The following RXRA variants were observed in gnomAD, a reference collection of about 807,000 sequenced individuals.
The protein encoded by RXRA is retinoid X receptor alpha.
A neutral mutation model predicts 44.5 loss-of-function variants in RXRA; 5 were observed. The ratio of observed to expected loss-of-function variants is 0.11; its 90% confidence interval spans 0.06 to 0.24. RXRA has a LOEUF of 0.24. Ranked by LOEUF, RXRA falls within the 10% of genes least tolerant of loss-of-function variation. The pLI, the probability that RXRA is intolerant of heterozygous loss-of-function variation, is 1.00. For missense variants in RXRA, 412 were observed against 646.5 expected (o/e 0.64, Z 3.93); for synonymous variants, 291 against 271.4 (o/e 1.07, Z -0.71).
intron 7 of RXRA, 25 bp downstream of exon 7, chr9:134,429,265 A>G (rs1257271004): frequency 6.2e-7 from 1 of 1,604,064 alleles, no homozygotes; most frequent in Non-Finnish European, 8.5e-7. Flanking sequence ...GGGAGGGGCG[A>G]GGGCGCTTCG....
intron 1 of RXRA, among the ~76,000 whole-genome samples, chr9:134,347,959 G>A (rs1047968694): frequency 6.6e-6 from 1 of 152,144 alleles, no homozygotes; most frequent in African/African-American, 2.4e-5. Context: ...GGCAGGAGGG[G>A]AGTCCGTGGC....
chr9:134,426,727 A>G lies in RXRA; in HGVS notation c.911-2381A>G, dbSNP rs1037818101. 1 of 985,260 alleles carries G rather than the reference A, an allele frequency of 1.0e-6. No individual in the cohort carries two copies. The highest frequency in any genetic ancestry group is 1.7e-5 in the African/African-American group (1 of 57,238). The allele number at this position is 985,260 out of a possible 1,614,324, so 61.0% of individuals were successfully genotyped here. On this transcript the variant is annotated intron_variant, in intron 6 of 9. Transcript: ENST00000481739. The surrounding 1 kb of genome is among the most constrained non-coding windows in gnomAD (Gnocchi z 4.6). ...GTGGGAGGGGAGGTGGCCACTGCTC[A>G]GGTAAACCCCCAGGCCTGCAGGATG... is the stretch of plus-strand genomic sequence containing the variant.
intron 2 of RXRA, chr9:134,404,506 G>C (rs1433991435): frequency 6.6e-6 from 1 of 152,318 alleles, no homozygotes; most frequent in African/African-American, 2.4e-5. Flanking sequence ...GTTGGTGCCA[G>C]CTTCCACACA....
At chr9:134,421,515 C>T (rs539631949) in intron 5 of RXRA, among the ~76,000 whole-genome samples, 161 bp from the exon 6 acceptor site, 6 of 152,330 alleles carry the variant, frequency 3.9e-5, no homozygotes, top group South Asian at 4.1e-4. Context: ...CATGCAAGGT[C>T]GCATAGTCCC....
chr9:134,408,792 C>T (rs1003967505), intron 3 of RXRA, 148 bp from the exon 4 acceptor site: 3 of 718,620 alleles, frequency 4.2e-6, no homozygotes, highest in East Asian at 3.0e-5. Context: ...AGGCTGGGGC[C>T]CAGTCTGAGC....
Position 134,436,902 on chromosome 9 carries a change from C to T in RXRA, c.*288C>T. 1 of 422,552 alleles carries T rather than the reference C, an allele frequency of 2.4e-6. No individual in the cohort carries two copies. Among genetic ancestry groups the T allele is most frequent in the South Asian group, 2.9e-5 (1 of 34,014 alleles). The allele number at this position is 422,552 out of a possible 1,614,324, so 26.2% of individuals were successfully genotyped here. A position where few individuals can be genotyped will look rare whatever the true frequency, so the allele number is the denominator to read the frequency against. ...CCACCGGGCTCTCAGGACACCCTGC[C>T]ACACCCCACGGGGCTTGGGCGACTA... On this transcript the variant is annotated 3_prime_UTR_variant, in exon 10 of 10. Coordinates refer to ENST00000481739, the MANE Select transcript of RXRA (RefSeq NM_002957.6).
intron 1 of RXRA, among the ~76,000 whole-genome samples, chr9:134,375,484 G>GT (rs1830544587): frequency 6.6e-6 from 1 of 152,228 alleles, no homozygotes; most frequent in Admixed American, 6.5e-5. Context: ...GTGGGCAGGG[G>GT]ATTCCAGGCA....
intron 1 of RXRA, among the ~76,000 whole-genome samples, chr9:134,375,542 G>T (rs1830545301): frequency 6.6e-6 from 1 of 152,230 alleles, no homozygotes; most frequent in African/African-American, 2.4e-5. Context: ...TCAGCCCGGA[G>T]ACTGTGTGTG....
rs912845714 is a variant in RXRA at position 134,407,590 on chromosome 9, C to T, written c.280-559C>T. Among the ~76,000 whole-genome samples, 7 of 151,994 alleles carry T rather than the reference C, an allele frequency of 4.6e-5. No individual in the cohort carries two copies. Among genetic ancestry groups the T allele is most frequent in the Non-Finnish European group, 7.4e-5 (5 of 67,976 alleles). On this transcript the variant is annotated intron_variant, in intron 2 of 9. Transcript: ENST00000481739. The surrounding 1 kb of genome is among the most constrained non-coding windows in gnomAD (Gnocchi z 4.8). Reference sequence around the variant, plus strand: ...CAGTGGTGTCGTGCCACCCGATGCCCGGGGGTGTCCACTCCCCTCTCCTGG... The same window carrying T: ...CAGTGGTGTCGTGCCACCCGATGCCTGGGGGTGTCCACTCCCCTCTCCTGG...
At chr9:134,355,959 G>A (rs1326400691) in intron 1 of RXRA, among the ~76,000 whole-genome samples, 1 of 152,190 alleles carries the variant, frequency 6.6e-6, no homozygotes, top group Non-Finnish European at 1.5e-5. Flanking sequence ...CAGCTGAGGG[G>A]GTGGGGGGCA....
chr9:134,420,438 G>A (rs1353152978), intron 5 of RXRA, among the ~76,000 whole-genome samples: 1 of 152,124 alleles, frequency 6.6e-6, no homozygotes, highest in Non-Finnish European at 1.5e-5. Flanking sequence ...ACTCAGCCGA[G>A]GGATCCCACC....
chr9:134,427,307 C>A (rs1233931733), intron 6 of RXRA: 1 of 306,600 alleles, frequency 3.3e-6, no homozygotes, highest in Non-Finnish European at 4.8e-6. Flanking sequence ...TAAACCCCCG[C>A]CCCGGGGGAC....
intron 6 of RXRA, chr9:134,423,963 G>T (rs1245325351): frequency 1.0e-6 from 1 of 985,320 alleles, no homozygotes; most frequent in Non-Finnish European, 1.2e-6. Flanking sequence ...GTGCGCTGGG[G>T]GCCTGGCGGA....
At chr9:134,368,028 C>T (rs1294440078) in intron 1 of RXRA, among the ~76,000 whole-genome samples, 2 of 152,272 alleles carry the variant, frequency 1.3e-5, no homozygotes, top group Admixed American at 6.5e-5. Flanking sequence ...CCACAGCTCG[C>T]GCATGCTCTC....
chr9:134,387,431 GGTCTGGCCAGGGTGCAA>G (rs1830736393), intron 1 of RXRA, among the ~76,000 whole-genome samples: 1 of 152,252 alleles, frequency 6.6e-6, no homozygotes, highest in Non-Finnish European at 1.5e-5. Context: ...AAACCAGATC[GGTCTGGCCAGGGTGCAA>G]GCCTGGACCA....
chr9:134,408,459 G>A lies in RXRA; in HGVS notation c.430+160G>A, dbSNP rs1257507989. On this transcript the variant is annotated intron_variant, in intron 3 of 9. Coordinates refer to ENST00000481739, the MANE Select transcript of RXRA (RefSeq NM_002957.6). The stretch of plus-strand genomic sequence containing the variant: ...GGCCATGCCCCACTCCCAGGGCTCC[G>A]CGAGGCCATTCCAGGGTTCTCACGT... Among the ~76,000 whole-genome samples the A allele has an allele frequency of 5.3e-5, 8 of 152,294 alleles. No individual in the cohort carries two copies. The South Asian group carries it at 1.4e-3, about 28-fold the overall frequency.
At chr9:134,355,408 C>T (rs1239340678) in intron 1 of RXRA, among the ~76,000 whole-genome samples, 6 of 152,176 alleles carry the variant, frequency 3.9e-5, no homozygotes, top group Admixed American at 1.3e-4. Flanking sequence ...TGCTGGTCTC[C>T]GAAAAGCTGG....
rs1564262280 is a variant in RXRA, at chr9:134,343,641, C to T, written c.28+16982C>T. On this transcript the variant is annotated intron_variant, in intron 1 of 9. Coordinates refer to ENST00000481739, the MANE Select transcript of RXRA (RefSeq NM_002957.6). The surrounding 1 kb of genome is among the most constrained non-coding windows in gnomAD (Gnocchi z 4.1). ...ACATAGGCTTGAGGGGTCACGTCCC[C>T]TGCCCTGTCCCCATCTTGCTCAGTG... is the stretch of plus-strand genomic sequence containing the variant. Among the ~76,000 whole-genome samples the T allele has an allele frequency of 6.6e-6, 1 of 152,138 alleles. No homozygotes were observed. Among genetic ancestry groups the T allele is most frequent in the Non-Finnish European group, 1.5e-5 (1 of 67,992 alleles).
chr9:134,400,371 CTA>C (rs1197110793), intron 1 of RXRA, among the ~76,000 whole-genome samples: 1 of 152,196 alleles, frequency 6.6e-6, no homozygotes, highest in African/African-American at 2.4e-5. Flanking sequence ...CATAGCCACT[CTA>C]TGTGTTCATG....
Sources: allele counts gnomAD v4.1 joint callset (sites outside exome capture counted in the v4.1 genomes callset), GRCh38; gene constraint gnomAD v4.1.1; non-coding constraint Gnocchi (gnomAD v3.1); transcripts MANE v1.5; gene names NCBI Gene and HGNC (gene_info 2026-07-23, HGNC 2026-07-21).